The following DCTN4 variants were observed in gnomAD, a reference collection of about 807,000 sequenced individuals.
DCTN4 encodes dynactin subunit 4, also known as dynactin 4 (p62).
A neutral mutation model predicts 62.7 loss-of-function variants in DCTN4; 23 were observed. The observed-to-expected ratio is 0.37, with a 90% CI of 0.26 to 0.52. DCTN4 has a LOEUF of 0.52. DCTN4 is among the 20% of genes least tolerant of loss of function. The pLI is 0.92. For synonymous variants in DCTN4, 199 were observed against 202.1 expected (o/e 0.98, Z 0.13); for missense variants, 514 against 580.4 (o/e 0.89, Z 1.18).
rs556650283 is a variant in DCTN4, at chr5:150,739,709, T to C, written c.429+2405A>G. ...TAAGACTATAGTCACCAACGCAGCA[T>C]AATACTGGTATAAAAATAGGCACAC... On this transcript the variant is annotated intron_variant, in intron 4 of 12. Coordinates refer to ENST00000447998, the MANE Select transcript of DCTN4 (RefSeq NM_016221.4). 9.2e-5 allele frequency among the ~76,000 whole-genome samples: 14 copies of C among 152,308 alleles called. No individual in the cohort carries two copies. In the East Asian group the frequency reaches 2.7e-3, roughly 29 times the overall value.
chr5:150,723,725 G>C (rs1259554078), intron 8 of DCTN4, among the ~76,000 whole-genome samples: 3 of 152,210 alleles, frequency 2.0e-5, no homozygotes, highest in African/African-American at 7.2e-5. Flanking sequence ...CCAGTGTAAA[G>C]ATTACCCATT....
At chr5:150,739,020 C>T (rs576986167) in intron 4 of DCTN4, among the ~76,000 whole-genome samples, 2 of 152,060 alleles carry the variant, frequency 1.3e-5, no homozygotes, top group South Asian at 2.1e-4. Flanking sequence ...ATGGTAAAAC[C>T]CCATCTGCAC....
intron 3 of DCTN4, among the ~76,000 whole-genome samples, chr5:150,748,672 T>C (rs529487081): frequency 6.7e-6 from 1 of 150,100 alleles, no homozygotes; most frequent in African/African-American, 2.5e-5. Flanking sequence ...TCATTCTCAG[T>C]AAACTATCAC....
At chr5:150,744,575 G>C (rs1262224883) in intron 3 of DCTN4, among the ~76,000 whole-genome samples, 1 of 152,160 alleles carries the variant, frequency 6.6e-6, no homozygotes, top group East Asian at 1.9e-4. Flanking sequence ...AAGCCCATCA[G>C]ACTAACAGCG....
intron 3 of DCTN4, among the ~76,000 whole-genome samples, chr5:150,748,424 A>G (rs1265519104): frequency 6.6e-6 from 1 of 152,200 alleles, no homozygotes; most frequent in African/African-American, 2.4e-5. Flanking sequence ...TGACCCAGCC[A>G]TCCCATTACT....
chr5:150,711,235 G>T lies in DCTN4; in HGVS notation c.1297C>A (p.Arg433Ser), dbSNP rs149412654. 6.2e-7 allele frequency: 1 copy of T among 1,612,922 alleles called. No homozygotes were observed. Among genetic ancestry groups the T allele is most frequent in the Non-Finnish European group, 8.5e-7 (1 of 1,180,036 alleles). Reference protein sequence around the residue: ...HDFKNLAAPIRPIEESDQGTE... With the variant: ...HDFKNLAAPISPIEESDQGTE... ...CCCTGGTCACTTTCTTCAATGGGGCGAATGGGGGCTGCCAGGTTTTTAAAA... is the reference window on the plus strand; with the variant it reads ...CCCTGGTCACTTTCTTCAATGGGGCTAATGGGGGCTGCCAGGTTTTTAAAA... Residue 433 changes from arginine (R) to serine (S), a missense_variant, in exon 13 of 13, where the codon CGC (arginine) becomes AGC (serine). By Grantham distance (110) the Arg-to-Ser change is moderately radical. Transcript: ENST00000447998.
intron 8 of DCTN4, among the ~76,000 whole-genome samples, chr5:150,724,721 T>C (rs758462917): frequency 1.3e-5 from 2 of 152,212 alleles, no homozygotes; most frequent in Non-Finnish European, 2.9e-5. Flanking sequence ...ATTTAGTATA[T>C]AACAAATTTT....
Position 150,730,706 on chromosome 5 carries a change from G to C in DCTN4, c.759C>G (p.Asp253Glu). 1 of 1,614,134 alleles carries C rather than the reference G, an allele frequency of 6.2e-7. No homozygotes were observed. Among genetic ancestry groups the C allele is most frequent in the Non-Finnish European group, 8.5e-7 (1 of 1,180,008 alleles). Residue 253 changes from aspartate to glutamate, a missense_variant, in exon 8 of 13, where the codon GAC (aspartate) becomes GAG (glutamate). Asp to Glu is a conservative substitution (Grantham distance 45, BLOSUM62 2). Transcript: ENST00000447998. ...TTLQQRLLQP[D>E]FQPVCASQLY... ...GCTGTGAAGCACAGACTGGCTGGAA[G>C]TCAGGCTGTAACAGACGCTGCTGAA... is the stretch of plus-strand genomic sequence containing the variant.
intron 3 of DCTN4, among the ~76,000 whole-genome samples, chr5:150,749,064 G>C (rs1581600751): frequency 6.6e-6 from 1 of 151,834 alleles, no homozygotes; most frequent in Non-Finnish European, 1.5e-5. Flanking sequence ...TTTTTTAATA[G>C]GACACAAAAA....
Position 150,709,874 on chromosome 5 carries a change from A to T in DCTN4, c.*1275T>A, listed in dbSNP as rs2151462257. On this transcript the variant is annotated 3_prime_UTR_variant, in exon 13 of 13. Coordinates refer to ENST00000447998, the MANE Select transcript of DCTN4 (RefSeq NM_016221.4). ...AGTCTCTTGGCCACTTACTAACAAT[A>T]CTTTTACAGAAAACACGGTGCAGCT... The T allele has an allele frequency of 6.6e-6, 1 of 152,482 alleles. No individual in the cohort carries two copies. The highest frequency in any genetic ancestry group is 1.5e-5 in the Non-Finnish European group (1 of 68,032). 9.4% of individuals were successfully genotyped at this position (152,482 alleles called of 1,614,324 possible). A position where few individuals can be genotyped will look rare whatever the true frequency, so the allele number is the denominator to read the frequency against.
chr5:150,740,809 A>G (rs558186907), intron 4 of DCTN4, among the ~76,000 whole-genome samples: 1 of 152,340 alleles, frequency 6.6e-6, no homozygotes, highest in South Asian at 2.1e-4. Flanking sequence ...ATGGAAAACC[A>G]AACATCATAC....
intron 4 of DCTN4, 157 bp from the exon 5 acceptor site, chr5:150,733,632 G>T (rs574731518): frequency 2.2e-4 from 114 of 515,106 alleles, no homozygotes; most frequent in Admixed American, 2.2e-4. Flanking sequence ...TCTTCGTTAT[G>T]TGATCTGTTT....
chr5:150,744,165 C>T (rs575093533), intron 3 of DCTN4, among the ~76,000 whole-genome samples: 31 of 152,066 alleles, frequency 2.0e-4, no homozygotes, highest in East Asian at 1.4e-3. Flanking sequence ...GGAGTCGATG[C>T]GATCAACTGG....
chr5:150,711,716 C>T (rs544926878), intron 12 of DCTN4, among the ~76,000 whole-genome samples: 9 of 152,168 alleles, frequency 5.9e-5, no homozygotes, highest in East Asian at 1.9e-4. Context: ...GATGGGGTTT[C>T]GCCACGTTGC....
chr5:150,730,566 A>AC, intron 8 of DCTN4, 65 bp downstream of exon 8: 1 of 1,413,946 alleles, frequency 7.1e-7, no homozygotes, highest in Non-Finnish European at 1.0e-6. Flanking sequence ...TTAGTCAGAC[A>AC]CCAGCCACAT....
intron 9 of DCTN4, among the ~76,000 whole-genome samples, chr5:150,720,058 T>TA (rs1759904362): frequency 6.6e-6 from 1 of 152,214 alleles, no homozygotes. Context: ...TAAGGCAAGA[T>TA]ATTTATCTCC....
At chr5:150,717,979 A>G (rs1759827411) in intron 11 of DCTN4, among the ~76,000 whole-genome samples, 1 of 152,246 alleles carries the variant, frequency 6.6e-6, no homozygotes. Context: ...GCACAGAGTT[A>G]GATTTTAGAA....
chr5:150,744,912 C>A (rs202099341), intron 3 of DCTN4, among the ~76,000 whole-genome samples: 20,612 of 148,306 alleles, frequency 0.14, 2,700 homozygotes, highest in African/African-American at 0.35. Flanking sequence ...CTAACATCAT[C>A]ATGACAGGAT....
chr5:150,758,012 A>C (rs889260509), intron 1 of DCTN4: 5 of 916,318 alleles, frequency 5.5e-6, no homozygotes, highest in Non-Finnish European at 6.5e-6. Context: ...CATAAAGCAC[A>C]TGACATATAG....
Sources: allele counts gnomAD v4.1 joint callset (sites outside exome capture counted in the v4.1 genomes callset), GRCh38; gene constraint gnomAD v4.1.1; transcripts MANE v1.5; gene names NCBI Gene and HGNC (gene_info 2026-07-23, HGNC 2026-07-21).